The following SRCAP variants were observed in gnomAD, a reference collection of about 807,000 sequenced individuals.
SRCAP encodes the protein Snf2 related CREBBP activator protein, also known as chromatin remodeling protein SRCAP.
Under a neutral mutation model 263.1 loss-of-function variants are expected in SRCAP, and 46 were observed. That is an observed-to-expected ratio of 0.17 (90% CI 0.14 to 0.22). SRCAP has a LOEUF of 0.22. Ranked by LOEUF, SRCAP falls within the 10% of genes least tolerant of loss-of-function variation. The probability of loss-of-function intolerance (pLI) is 1.00; values close to 1 mark genes in which losing one functional copy is unlikely to be tolerated. For synonymous variants in SRCAP, 1,813 were observed against 1,662.1 expected (o/e 1.09, Z -2.21); for missense variants, 3,695 against 4,181.9 (o/e 0.88, Z 3.21).
At chr16:30,710,527 T>A (rs1168092196) in intron 8 of SRCAP, 2 of 756,550 alleles carry the variant, frequency 2.6e-6, no homozygotes, top group South Asian at 2.7e-5. Context: ...TGGGTGCCTT[T>A]ATTTGTTACC....
At position 30,720,849 on chromosome 16, in the gene SRCAP, C is replaced by T. The variant is rs749781836; in HGVS notation, c.3124C>T (p.Pro1042Ser). The change falls in exon 20 of 34, where the codon CCC becomes TCC. Residue 1042 changes from proline to serine, a missense_variant. Coordinates refer to ENST00000262518, the MANE Select transcript of SRCAP (RefSeq NM_006662.3). ...LSAQPTPGPV[P>S]QVLPASLMVS... ...AGCCCAGCCCACCCCTGGCCCAGTC[C>T]CCCAAGTGCTGCCAGCATCACTGAT... The T allele has an allele frequency of 9.3e-6, 15 of 1,613,976 alleles. No individual in the cohort carries two copies. In the East Asian group the frequency reaches 3.3e-4, roughly 36 times the overall value.
Position 30,700,896 on chromosome 16 carries a change from G to T in SRCAP, c.54+18G>T, listed in dbSNP as rs2052758191. The T allele has an allele frequency of 6.2e-7, 1 of 1,613,576 alleles. No homozygotes were observed. The highest frequency in any genetic ancestry group is 8.5e-7 in the Non-Finnish European group (1 of 1,179,510). On this transcript the variant is annotated intron_variant, in intron 3 of 33. Coordinates refer to ENST00000262518, the MANE Select transcript of SRCAP (RefSeq NM_006662.3). ...AGACACAGGTTTGAAAGTGGGAAGA[G>T]TTCCTTCTCTGCTTCTGCTTTGTGG...
In SRCAP at chr16:30,737,364, A is replaced by G; in HGVS notation, c.7324A>G (p.Arg2442Gly). ...ARERVPRPAP[R>G]PRPTPASAPA... ...GGAGCGAGTTCCCAGGCCAGCACCT[A>G]GGCCTCGACCCACTCCAGCTTCAGC... The change falls in exon 34 of 34, where the codon AGG (arginine) becomes GGG (glycine). Residue 2442 changes from arginine (R) to glycine (G), a missense_variant. Around this residue, in one of 12 missense-constraint regions of SRCAP, gnomAD observed 1,207 missense variants for 1,142.9 expected, o/e 1.06. Transcript: ENST00000262518. 6.2e-7 allele frequency: 1 copy of G among 1,613,866 alleles called. No individual in the cohort carries two copies. Among genetic ancestry groups the G allele is most frequent in the South Asian group, 1.1e-5 (1 of 91,050 alleles).
Position 30,738,318 on chromosome 16 carries a change from GA to G in SRCAP, c.8282del (p.Lys2761ArgfsTer17). ...AGGACGGCTGGTAACTGTGGTAGAG[GA>G]AAAGGAACTGGTGCGGCGGCGGCGG... The part of the protein sequence containing the change: ...LPGRLVTVVE[E>X]KELVRRRRQQ... On this transcript the variant is annotated frameshift_variant, in exon 34 of 34. Transcript: ENST00000262518. 1.9e-6 allele frequency: 3 copies of G among 1,591,224 alleles called. No homozygotes were observed. Among genetic ancestry groups the G allele is most frequent in the Admixed American group, 1.8e-5 (1 of 57,078 alleles).
intron 25 of SRCAP, chr16:30,725,924 C>T (rs1278934118): frequency 6.6e-6 from 1 of 151,940 alleles, no homozygotes; most frequent in Admixed American, 6.6e-5. Context: ...CATGCCTGGC[C>T]CTAAACTGTA....
intron 31 of SRCAP, among the ~76,000 whole-genome samples, chr16:30,734,982 G>C (rs953812246): frequency 6.6e-6 from 1 of 152,128 alleles, no homozygotes; most frequent in Non-Finnish European, 1.5e-5. Context: ...CCCAGCTGGA[G>C]AGCTCTGAAA....
At position 30,712,315 on chromosome 16, in the gene SRCAP, C is replaced by T. The variant is rs1274552078; in HGVS notation, c.1869C>T (p.His623=). The T allele has an allele frequency of 6.2e-7, 1 of 1,610,296 alleles. No homozygotes were observed. The highest frequency in any genetic ancestry group is 1.7e-5 in the Admixed American group (1 of 58,804). ...GGGGCCAGCTCCGGGAGTACCAGCA[C>T]ATTGGGCTAGACTGGCTGGTTACCA... The part of the protein sequence containing the change: ...LLRGQLREYQ[H]IGLDWLVTMY... The change falls in exon 13 of 34, where the codon CAC becomes CAT. Residue 623 remains histidine (H), a synonymous_variant. Coordinates refer to ENST00000262518, the MANE Select transcript of SRCAP (RefSeq NM_006662.3).
chr16:30,705,022 C>T (rs575783323), intron 4 of SRCAP, among the ~76,000 whole-genome samples: 85 of 152,246 alleles, frequency 5.6e-4, no homozygotes, highest in African/African-American at 1.9e-3. Flanking sequence ...AATTCTTTGC[C>T]GGGCGTGGTG....
Position 30,729,411 on chromosome 16 carries a change from C to G in SRCAP, c.5966C>G (p.Ser1989Cys). ...VMPPVEAPPP[S>C]LHACHPPPWL... Reference sequence around the variant, plus strand: ...CCTCCTGTGGAGGCACCTCCCCCTTCCCTGCATGCCTGCCACCCACCTCCT... The same window carrying G: ...CCTCCTGTGGAGGCACCTCCCCCTTGCCTGCATGCCTGCCACCCACCTCCT... The change falls in exon 27 of 34, where the codon TCC becomes TGC. Residue 1989 changes from serine (S) to cysteine (C), a missense_variant. Physicochemically the swap from Ser to Cys is moderately radical, Grantham distance 112. Coordinates refer to ENST00000262518, the MANE Select transcript of SRCAP (RefSeq NM_006662.3). 1 of 1,614,210 alleles carries G rather than the reference C, an allele frequency of 6.2e-7. No individual in the cohort carries two copies. The highest frequency in any genetic ancestry group is 8.5e-7 in the Non-Finnish European group (1 of 1,180,034).
At chr16:30,710,931 T>C in intron 9 of SRCAP, 68 bp from the exon 10 acceptor site, 1 of 1,599,500 alleles carries the variant, frequency 6.3e-7, no homozygotes, top group African/African-American at 1.3e-5. Context: ...TCTCATCTGT[T>C]TCATTTGGAC....
In SRCAP at chr16:30,729,182, G is replaced by A. The variant is rs189172709; in HGVS notation, c.5875G>A (p.Val1959Ile). ...WTYTEAAHRAVLFPQQRLDQL... is the reference protein window; with the variant it reads ...WTYTEAAHRAILFPQQRLDQL... Reference sequence around the variant, plus strand: ...TTATACCGAGGCTGCCCACCGGGCTGTACTGTTTCCCCAGCAGCGACTAGA... The same window carrying A: ...TTATACCGAGGCTGCCCACCGGGCTATACTGTTTCCCCAGCAGCGACTAGA... Residue 1959 changes from valine to isoleucine, a missense_variant, in exon 26 of 34, where the codon GTA (valine) becomes ATA (isoleucine). Val to Ile is a conservative substitution (Grantham distance 29). Transcript: ENST00000262518. 7.4e-6 allele frequency: 12 copies of A among 1,613,338 alleles called. No individual in the cohort carries two copies. The highest frequency in any genetic ancestry group is 9.3e-6 in the Non-Finnish European group (11 of 1,179,366).
chr16:30,717,655 C>G (rs967488626), intron 18 of SRCAP, among the ~76,000 whole-genome samples: 1 of 133,970 alleles, frequency 7.5e-6, no homozygotes, highest in Non-Finnish European at 1.5e-5. Flanking sequence ...GCTCTGTCCT[C>G]AGGCTGGAGT....
intron 18 of SRCAP, among the ~76,000 whole-genome samples, chr16:30,717,119 C>CT (rs1192059503): frequency 3.3e-5 from 5 of 151,344 alleles, no homozygotes; most frequent in East Asian, 1.9e-4. Flanking sequence ...CCTGTTATTT[C>CT]TTTTTTTTTA....
intron 31 of SRCAP, among the ~76,000 whole-genome samples, chr16:30,735,578 T>TTTTG (rs1322688074): frequency 7.4e-6 from 1 of 135,666 alleles, no homozygotes; most frequent in Non-Finnish European, 1.6e-5. Flanking sequence ...TTTTTTTTTT[T>TTTTG]TTTTTTTTTT....
Position 30,715,882 on chromosome 16 carries a change from T to C in SRCAP, c.2494-184T>C, listed in dbSNP as rs930019319. Among the ~76,000 whole-genome samples the C allele has an allele frequency of 2.6e-5, 4 of 152,298 alleles. No individual in the cohort carries two copies. In the East Asian group the frequency reaches 5.8e-4, roughly 22 times the overall value. On this transcript the variant is annotated intron_variant, in intron 16 of 33. Transcript: ENST00000262518. The stretch of plus-strand genomic sequence containing the variant: ...TTATATCACTTCCTGTGTCATGGTA[T>C]CATTTTGTGTCTGTCTCCTTCAGCA...
chr16:30,738,254 A>G lies in SRCAP; in HGVS notation c.8214A>G (p.Pro2738=). The change falls in exon 34 of 34, where the codon CCA becomes CCG. Residue 2738 remains proline (P), a synonymous_variant. Coordinates refer to ENST00000262518, the MANE Select transcript of SRCAP (RefSeq NM_006662.3). ...TTAGGGGTCAAGGGACTGGTCGGCC[A>G]GGACAACCACCAGGCCCCAAAGTGC... ...VEIRGQGTGR[P]GQPPGPKVLR... The G allele has an allele frequency of 6.2e-7, 1 of 1,612,676 alleles. No homozygotes were observed. Among genetic ancestry groups the G allele is most frequent in the Non-Finnish European group, 8.5e-7 (1 of 1,179,082 alleles).
intron 27 of SRCAP, among the ~76,000 whole-genome samples, chr16:30,732,985 G>A (rs1461561285): frequency 2.0e-5 from 3 of 152,012 alleles, no homozygotes; most frequent in Non-Finnish European, 2.9e-5. Flanking sequence ...ACAGTCACCC[G>A]CCATCACGCC....
chr16:30,720,592 G>A, intron 19 of SRCAP, 121 bp from the exon 20 acceptor site: 1 of 1,237,928 alleles, frequency 8.1e-7, no homozygotes. Context: ...TCTCCTTTGG[G>A]TCTCTTTCCT....
At chr16:30,722,468 T>TC (rs1012350784) in intron 22 of SRCAP, 95 bp from the exon 23 acceptor site, 2 of 1,506,612 alleles carry the variant, frequency 1.3e-6, no homozygotes, top group African/African-American at 2.8e-5. Context: ...GAGAATGTAT[T>TC]CCCTCTCTGT....
Sources: allele counts gnomAD v4.1 joint callset (sites outside exome capture counted in the v4.1 genomes callset), GRCh38; gene constraint gnomAD v4.1.1; regional missense constraint gnomAD v4.1.1; transcripts MANE v1.5; gene names NCBI Gene and HGNC (gene_info 2026-07-23, HGNC 2026-07-21).